GLRA2: variants seen among roughly 807,000 people sequenced by gnomAD.
GLRA2 encodes glycine receptor subunit alpha-2.
GLRA2 carries 11 observed loss-of-function variants against 31.6 expected under a neutral mutation model. The ratio of observed to expected loss-of-function variants is 0.35; its 90% CI spans 0.22 to 0.58. The LOEUF is 0.58. Among genes scored for constraint, GLRA2 ranks in the 20% least tolerant of loss-of-function variants. GLRA2 has a pLI of 0.84. For missense variants in GLRA2, 212 were observed against 351.8 expected (o/e 0.60, Z 3.18); for synonymous variants, 132 against 134.0 (o/e 0.99, Z 0.10).
intron 8 of GLRA2, among the ~76,000 whole-genome samples, chrX:14,695,652 C>CT (rs1258865529): frequency 1.8e-5 from 2 of 111,868 alleles, no homozygotes; most frequent in Non-Finnish European, 3.8e-5. Flanking sequence ...TTCCCAGAGT[C>CT]TGTGTGCTTC....
chrX:14,604,513 C>A, intron 5 of GLRA2, 116 bp downstream of exon 5: 1 of 402,289 alleles, frequency 2.5e-6, no homozygotes. Flanking sequence ...ACTGACCAAC[C>A]CCCAACATCC....
intron 7 of GLRA2, among the ~76,000 whole-genome samples, chrX:14,671,869 T>G (rs944022273): frequency 8.9e-6 from 1 of 112,479 alleles, no homozygotes; most frequent in African/African-American, 3.2e-5. Flanking sequence ...AGGCATTCAA[T>G]GAATAGACAT....
At chrX:14,610,549 A>G (rs1049146521) in intron 7 of GLRA2, among the ~76,000 whole-genome samples, 1 of 112,004 alleles carries the variant, frequency 8.9e-6, no homozygotes, top group African/African-American at 3.2e-5. Context: ...TCAAAAATCA[A>G]TTTTACCTAA....
chrX:14,680,051 C>T (rs770340488), intron 7 of GLRA2, among the ~76,000 whole-genome samples: 46 of 112,223 alleles, frequency 4.1e-4, no homozygotes, highest in Non-Finnish European at 6.8e-4. Context: ...CTCAACTGTA[C>T]CATTTTAGTT....
At chrX:14,618,870 A>G (rs1020152648) in intron 7 of GLRA2, among the ~76,000 whole-genome samples, 1 of 111,695 alleles carries the variant, frequency 9.0e-6, no homozygotes, top group Admixed American at 9.5e-5. Context: ...ACGACTGTAC[A>G]CATTTCATTA....
At chrX:14,628,688 G>C (rs2090613609) in intron 7 of GLRA2, among the ~76,000 whole-genome samples, 1 of 111,480 alleles carries the variant, frequency 9.0e-6, no homozygotes. Flanking sequence ...AGGGAAACTG[G>C]TCTGTAGGAT....
At chrX:14,566,202 GAACA>G (rs921151181) in intron 2 of GLRA2, among the ~76,000 whole-genome samples, 4 of 111,406 alleles carry the variant, frequency 3.6e-5, no homozygotes, top group African/African-American at 3.3e-5. Flanking sequence ...TAGATGAAAT[GAACA>G]AATAAGTAAA....
chrX:14,469,505 C>T, the GLRA2 span, among the ~76,000 whole-genome samples: 2 of 107,960 alleles, frequency 1.9e-5, no homozygotes, highest in South Asian at 4.1e-4. Flanking sequence ...CCATGGAATA[C>T]TATGCAGCCA....
chrX:14,691,329 G>GCA (rs2091357205), intron 8 of GLRA2, among the ~76,000 whole-genome samples: 2 of 67,619 alleles, frequency 3.0e-5, no homozygotes, highest in African/African-American at 9.9e-5. Context: ...GTGTGTGCGC[G>GCA]CGTGCGTGCG....
the GLRA2 span, among the ~76,000 whole-genome samples, chrX:14,469,568 C>A: frequency 1.9e-5 from 2 of 106,422 alleles, no homozygotes; most frequent in Non-Finnish European, 3.9e-5. Flanking sequence ...AATTGGAAAT[C>A]ATCATTCTCA....
At chrX:14,507,686 A>ATTTTTTTTTTTTTT in the GLRA2 span, among the ~76,000 whole-genome samples, 5 of 56,047 alleles carry the variant, frequency 8.9e-5, no homozygotes, top group African/African-American at 1.3e-4. Flanking sequence ...TACGAAAGAC[A>ATTTTTTTTTTTTTT]TTCTTTTTTT....
the GLRA2 span, among the ~76,000 whole-genome samples, chrX:14,458,923 T>C: frequency 3.6e-5 from 4 of 111,924 alleles, no homozygotes; most frequent in Admixed American, 1.9e-4. Flanking sequence ...TTGCTTTTGG[T>C]GTTTTAGACA....
At chrX:14,608,783 T>C (rs2090365567) in intron 6 of GLRA2, among the ~76,000 whole-genome samples, 2 of 110,860 alleles carry the variant, frequency 1.8e-5, no homozygotes, top group Admixed American at 9.7e-5. Context: ...TCTCACACTA[T>C]TATTATCACT....
intron 2 of GLRA2, among the ~76,000 whole-genome samples, chrX:14,559,811 C>T (rs12399432): frequency 0.2 from 21,915 of 107,295 alleles, 2,159 homozygotes; most frequent in Non-Finnish European, 0.31. Context: ...CAGCAACCTC[C>T]GCCTCGATTG....
intron 2 of GLRA2, among the ~76,000 whole-genome samples, chrX:14,539,403 A>G (rs1410870709): frequency 9.0e-6 from 1 of 111,246 alleles, no homozygotes; most frequent in Non-Finnish European, 1.9e-5. Flanking sequence ...TGAGAGAGCT[A>G]CTCTGCACAC....
intron 7 of GLRA2, among the ~76,000 whole-genome samples, chrX:14,681,751 G>C (rs955577695): frequency 9.6e-6 from 1 of 104,180 alleles, no homozygotes; most frequent in African/African-American, 3.5e-5. Context: ...AGTTAGCCAG[G>C]TGTGGTGGCA....
intron 4 of GLRA2, 24 bp downstream of exon 4, chrX:14,581,430 G>T: frequency 1.1e-6 from 1 of 874,834 alleles, no homozygotes. Context: ...GGCTGCACAT[G>T]TTCGCATCTC....
At chrX:14,480,405 T>G in the GLRA2 span, among the ~76,000 whole-genome samples, 1 of 111,995 alleles carries the variant, frequency 8.9e-6, no homozygotes, top group Non-Finnish European at 1.9e-5. Context: ...TTGTTGCAAT[T>G]GCTTTTGAGG....
chrX:14,568,833 C>A (rs759329929), intron 2 of GLRA2, among the ~76,000 whole-genome samples: 1 of 111,962 alleles, frequency 8.9e-6, no homozygotes, highest in East Asian at 2.8e-4. Flanking sequence ...TAAATGTAAG[C>A]GTTAAAACCA....
Sources: allele counts gnomAD v4.1 joint callset (sites outside exome capture counted in the v4.1 genomes callset), GRCh38; gene constraint gnomAD v4.1.1; transcripts MANE v1.5; gene names NCBI Gene and HGNC (gene_info 2026-07-23, HGNC 2026-07-21).